Variants in HLA-DQB1 observed in about 807,000 individuals in gnomAD.
HLA-DQB1 encodes major histocompatibility complex, class II, DQ beta 1, also known as HLA class II histocompatibility antigen, DQ beta 1 chain.
In HLA-DQB1, 13 loss-of-function variants were observed where a neutral mutation model predicts 26.4. The ratio of observed to expected loss-of-function variants is 0.49; its 90% CI spans 0.32 to 0.78. The LOEUF (loss-of-function observed/expected upper bound fraction) is 0.78, where lower values mean the gene tolerates loss of function less well. Ranked by LOEUF, HLA-DQB1 falls within the 30% of genes least tolerant of loss-of-function variation. HLA-DQB1 has a pLI of 0.03. For synonymous variants in HLA-DQB1, 60 were observed against 129.1 expected (o/e 0.46, Z 3.63); for missense variants, 158 against 326.2 (o/e 0.48, Z 3.97).
intron 4 of HLA-DQB1, 46 bp downstream of exon 4, chr6:32,661,301 G>T (rs9273589): frequency 8.7e-7 from 1 of 1,148,464 alleles, no homozygotes; most frequent in Non-Finnish European, 1.3e-6. Flanking sequence ...TGAACAGAGG[G>T]TCTGGGTCAC....
At chr6:32,660,705 A>C in intron 4 of HLA-DQB1, 1 of 456,272 alleles carries the variant, frequency 2.2e-6, no homozygotes, top group East Asian at 4.7e-5. Context: ...ATGTCTGGAG[A>C]TTCCTAGAAA....
chr6:32,659,964 T>C (rs1449484155), exon 5 of HLA-DQB1: 16 of 260,556 alleles, frequency 6.1e-5, no homozygotes. Flanking sequence ...TTGAGCAGTC[T>C]GAGGAAAGAA....
At chr6:32,663,173 T>G (rs281863498) in intron 2 of HLA-DQB1, 1 of 136,874 alleles carries the variant, frequency 7.3e-6, no homozygotes, top group African/African-American at 2.7e-5. Flanking sequence ...TGTGGCCTTA[T>G]AAGATTTGTT....
At chr6:32,660,911 T>A (rs550819457) in intron 4 of HLA-DQB1, 3 of 1,496,378 alleles carry the variant, frequency 2.0e-6, no homozygotes, top group Non-Finnish European at 9.0e-7. Context: ...CAGAGAAAGG[T>A]CTCATTACAC....
At position 32,662,134 on chromosome 6, in the gene HLA-DQB1, C is replaced by T. The variant is rs9273989; in HGVS notation, c.494G>A (p.Arg165Gln). The T allele has an allele frequency of 1.6e-5, 24 of 1,468,920 alleles. 1 individual carries two copies. Among genetic ancestry groups the T allele is most frequent in the South Asian group, 1.1e-4 (10 of 87,280 alleles). 91.0% of individuals were successfully genotyped at this position (1,468,920 alleles called of 1,614,324 possible). Residue 165 changes from arginine to glutamine, a missense_variant, in exon 3 of 5, where the codon CGG becomes CAG. Transcript: ENST00000434651. ...GCCGGCTGTCTCCTCCTGATCATTCCGAAACCACCGGACTTTGATCTGGCC... is the reference window on the plus strand; with the variant it reads ...GCCGGCTGTCTCCTCCTGATCATTCTGAAACCACCGGACTTTGATCTGGCC...
chr6:32,660,369 G>C, intron 4 of HLA-DQB1, 120 bp from the exon 5 acceptor site: 1 of 458,246 alleles, frequency 2.2e-6, no homozygotes, highest in Non-Finnish European at 3.8e-6. Flanking sequence ...AGGGTGTATT[G>C]TCATCACCTC....
At chr6:32,665,107 GGCC>G (rs773831432) in intron 1 of HLA-DQB1, 40 bp from the exon 2 acceptor site, 23 of 1,091,660 alleles carry the variant, frequency 2.1e-5, no homozygotes, top group Admixed American at 1.6e-4. Flanking sequence ...GCCCCAGCCC[GGCC>G]GCCCCCGCAG....
chr6:32,660,907 A>C, intron 4 of HLA-DQB1: 1 of 1,512,980 alleles, frequency 6.6e-7, no homozygotes, highest in African/African-American at 1.4e-5. Flanking sequence ...TATGCAGAGA[A>C]AGGTCTCATT....
chr6:32,665,454 G>C (rs9274442), intron 1 of HLA-DQB1, among the ~76,000 whole-genome samples: 30,740 of 134,094 alleles, frequency 0.23, 6,274 homozygotes, highest in Middle Eastern at 0.27. Context: ...ATAAATCTGA[G>C]AGTTCAACGG....
intron 4 of HLA-DQB1, among the ~76,000 whole-genome samples, 171 bp downstream of exon 4, chr6:32,661,176 C>G (rs9273556): frequency 0.34 from 35,351 of 105,260 alleles, 10,997 homozygotes; most frequent in South Asian, 0.52. Flanking sequence ...TCTGTGACAG[C>G]GCTACCTTTC....
chr6:32,663,386 G>GGATTGGTTAATCATAAATTT (rs1783400875), intron 2 of HLA-DQB1: 1 of 77,240 alleles, frequency 1.3e-5, no homozygotes, highest in African/African-American at 4.8e-5. Flanking sequence ...GTCAGACTAG[G>GGATTGGTTAATCATAAATTT]GATTGATTAA....
At chr6:32,664,183 G>A (rs71542457) in intron 2 of HLA-DQB1, 40,290 of 95,206 alleles carry the variant, frequency 0.42, 16,475 homozygotes, top group East Asian at 0.76. Context: ...TCAGGTACCA[G>A]GCATGCAATA....
intron 2 of HLA-DQB1, chr6:32,663,444 A>G (rs71542450): frequency 0.37 from 26,683 of 72,950 alleles, 3,688 homozygotes; most frequent in East Asian, 0.42. Flanking sequence ...ACAGGAATAG[A>G]CTCATTGCTG....
At chr6:32,665,605 A>AAAG (rs1783964834) in intron 1 of HLA-DQB1, among the ~76,000 whole-genome samples, 3 of 64,472 alleles carry the variant, frequency 4.7e-5, no homozygotes, top group Non-Finnish European at 7.3e-5. Flanking sequence ...TCTATGTTGG[A>AAAG]AAGGACCTAC....
chr6:32,661,295 C>G (rs9273587), intron 4 of HLA-DQB1, 52 bp downstream of exon 4: 1 of 1,074,574 alleles, frequency 9.3e-7, no homozygotes, highest in Non-Finnish European at 1.4e-6. Flanking sequence ...CCACTCTGAA[C>G]AGAGGGTCTG....
chr6:32,661,902 G>A (rs281864180), intron 3 of HLA-DQB1, 65 bp downstream of exon 3: 2 of 1,111,660 alleles, frequency 1.8e-6, no homozygotes, highest in Non-Finnish European at 2.5e-6. Context: ...AGATGGGAAG[G>A]AATGGGTCAG....
exon 5 of HLA-DQB1, chr6:32,660,129 T>C (rs1063349): frequency 0.18 from 83,061 of 470,366 alleles, 20,517 homozygotes; most frequent in Admixed American, 0.38. Context: ...CTGTAGGACT[T>C]TGATCTCAGG....
intron 2 of HLA-DQB1, 121 bp downstream of exon 2, chr6:32,664,671 CTCCTTT>C: frequency 3.0e-6 from 1 of 335,464 alleles, no homozygotes; most frequent in South Asian, 3.4e-5. Context: ...CCGCCGCCGC[CTCCTTT>C]CCCCTGGGGT....
chr6:32,666,165 C>A (rs281861129), intron 1 of HLA-DQB1, among the ~76,000 whole-genome samples: 1 of 150,206 alleles, frequency 6.7e-6, no homozygotes, highest in Non-Finnish European at 1.5e-5. Flanking sequence ...GCCTAAATGA[C>A]AAATCCTGCT....
Sources: allele counts gnomAD v4.1 joint callset (sites outside exome capture counted in the v4.1 genomes callset), GRCh38; gene constraint gnomAD v4.1.1; transcripts MANE v1.5; gene names NCBI Gene and HGNC (gene_info 2026-07-23, HGNC 2026-07-21).